PAK3: variants seen among roughly 807,000 people sequenced by gnomAD.
PAK3 encodes p21 (RAC1) activated kinase 3.
A neutral mutation model predicts 41.0 loss-of-function variants in PAK3; 4 were observed. That is an observed-to-expected ratio of 0.10 (90% CI 0.05 to 0.22). PAK3 has a LOEUF of 0.22. Ranked by LOEUF, PAK3 falls within the 10% of genes least tolerant of loss-of-function variation. The probability of loss-of-function intolerance (pLI) is 1.00; values close to 1 mark genes in which losing one functional copy is unlikely to be tolerated. For missense variants in PAK3, 205 were observed against 409.9 expected (o/e 0.50, Z 4.32); for synonymous variants, 146 against 139.6 (o/e 1.05, Z -0.32).
intron 1 of PAK3, among the ~76,000 whole-genome samples, chrX:111,053,883 A>G (rs2092582120): frequency 8.9e-6 from 1 of 112,112 alleles, no homozygotes; most frequent in African/African-American, 3.2e-5. Flanking sequence ...CTATATCCTA[A>G]TTGTGCATGT....
At chrX:111,155,589 C>A (rs948865165) in intron 8 of PAK3, among the ~76,000 whole-genome samples, 5 of 110,096 alleles carry the variant, frequency 4.5e-5, no homozygotes, top group African/African-American at 6.6e-5. Context: ...AAGTAGATTG[C>A]TTTTAGCTGG....
At chrX:111,067,918 T>A (rs2092713000) in intron 1 of PAK3, among the ~76,000 whole-genome samples, 1 of 111,395 alleles carries the variant, frequency 9.0e-6, no homozygotes, top group Non-Finnish European at 1.9e-5. Flanking sequence ...AAGTTGTCTG[T>A]GATTTGAAGG....
intron 10 of PAK3, among the ~76,000 whole-genome samples, chrX:111,167,992 T>G (rs906337379): frequency 2.0e-4 from 22 of 111,345 alleles, no homozygotes; most frequent in Admixed American, 9.5e-5. Flanking sequence ...TATCACCTAC[T>G]CCTTGCCTCT....
intron 1 of PAK3, among the ~76,000 whole-genome samples, chrX:110,994,773 A>C (rs960728586): frequency 9.0e-6 from 1 of 111,468 alleles, no homozygotes; most frequent in African/African-American, 3.3e-5. Context: ...TTTTTGGATA[A>C]GTCTTTTATC....
chrX:111,217,474 G>A (rs1277052589), intron 17 of PAK3: 13 of 937,710 alleles, frequency 1.4e-5, no homozygotes, highest in African/African-American at 1.0e-4. Flanking sequence ...GTTATACAGC[G>A]CATTAACCAC....
chrX:111,011,196 G>A (rs2092006382), intron 1 of PAK3, among the ~76,000 whole-genome samples: 1 of 111,205 alleles, frequency 9.0e-6, no homozygotes, highest in South Asian at 3.8e-4. Flanking sequence ...AAGGCAGTTT[G>A]GGCAGTTGGG....
chrX:110,951,895 C>T (rs1039869346), intron 1 of PAK3, among the ~76,000 whole-genome samples: 2 of 112,219 alleles, frequency 1.8e-5, no homozygotes, highest in Non-Finnish European at 3.8e-5. Context: ...TCTTAAGACA[C>T]TTGGAAAAAA....
At chrX:111,110,982 ATCATTAGTCAC>A (rs2093361417) in intron 4 of PAK3, among the ~76,000 whole-genome samples, 1 of 111,872 alleles carries the variant, frequency 8.9e-6, no homozygotes, top group African/African-American at 3.3e-5. Flanking sequence ...TTTCTCAGGG[ATCATTAGTCAC>A]TCTTCCTCTT....
At chrX:111,019,148 GA>G (rs1175845510) in intron 1 of PAK3, among the ~76,000 whole-genome samples, 1 of 111,057 alleles carries the variant, frequency 9.0e-6, no homozygotes, top group Non-Finnish European at 1.9e-5. Flanking sequence ...ACTCTTAGAA[GA>G]AAACATAGGG....
intron 1 of PAK3, among the ~76,000 whole-genome samples, chrX:111,035,710 T>C (rs912550984): frequency 2.7e-5 from 3 of 112,680 alleles, no homozygotes; most frequent in Non-Finnish European, 3.7e-5. Flanking sequence ...TAACTCTGTG[T>C]TGGCACCATG....
At chrX:111,056,458 A>G (rs1184643590) in intron 1 of PAK3, among the ~76,000 whole-genome samples, 1 of 112,467 alleles carries the variant, frequency 8.9e-6, no homozygotes, top group Admixed American at 9.4e-5. Context: ...GATACTACAC[A>G]AACTATAATT....
intron 1 of PAK3, among the ~76,000 whole-genome samples, chrX:110,951,508 G>T (rs912301074): frequency 1.2e-4 from 13 of 111,604 alleles, no homozygotes; most frequent in Admixed American, 3.8e-4. Flanking sequence ...AATATTTCTA[G>T]CAAGTTACAC....
At chrX:110,999,676 A>G (rs1275906314) in intron 1 of PAK3, among the ~76,000 whole-genome samples, 19 of 78,174 alleles carry the variant, frequency 2.4e-4, no homozygotes, top group African/African-American at 9.9e-4. Flanking sequence ...TTATAAAAGT[A>G]AAAAAAAAAA....
intron 1 of PAK3, among the ~76,000 whole-genome samples, chrX:111,073,191 C>T (rs981391197): frequency 9.0e-6 from 1 of 111,197 alleles, no homozygotes; most frequent in Non-Finnish European, 1.9e-5. Context: ...TGAAAATGGA[C>T]ACATAACATA....
At chrX:110,953,736 G>A (rs2090793311) in intron 1 of PAK3, among the ~76,000 whole-genome samples, 1 of 111,970 alleles carries the variant, frequency 8.9e-6, no homozygotes, top group African/African-American at 3.2e-5. Flanking sequence ...TGAGGAGGCT[G>A]GCTTTTGGCC....
At chrX:111,006,009 A>C (rs896831652) in intron 1 of PAK3, among the ~76,000 whole-genome samples, 1 of 111,436 alleles carries the variant, frequency 9.0e-6, no homozygotes, top group African/African-American at 3.3e-5. Flanking sequence ...TTCCTATCCC[A>C]GCAATAGACA....
rs982332203 is a variant in PAK3 at position 111,223,709 on chromosome X, T to C, written c.*3262T>C. 3 of 111,231 alleles carry C rather than the reference T, an allele frequency of 2.7e-5. No individual in the cohort carries two copies. Among genetic ancestry groups the C allele is most frequent in the South Asian group, 7.6e-4 (2 of 2,630 alleles). The allele number at this position is 111,231 out of a possible 1,213,427, so 9.2% of individuals were successfully genotyped here. A position where few individuals can be genotyped will look rare whatever the true frequency, so the allele number is the denominator to read the frequency against. On this transcript the variant is annotated 3_prime_UTR_variant, in exon 18 of 18. Coordinates refer to ENST00000372007, the MANE Select transcript of PAK3 (RefSeq NM_002578.5). ...ATAACTGTTTTGATAGTTTGAGATA[T>C]TTGTCTATAAATGATATTTCTCAGC...
At chrX:111,131,351 C>T (rs1430268504) in intron 5 of PAK3, among the ~76,000 whole-genome samples, 1 of 111,682 alleles carries the variant, frequency 9.0e-6, no homozygotes, top group Admixed American at 9.5e-5. Flanking sequence ...TGAACACCTT[C>T]CTTTTCTGCT....
At chrX:110,998,666 T>C (rs921102917) in intron 1 of PAK3, among the ~76,000 whole-genome samples, 1 of 112,084 alleles carries the variant, frequency 8.9e-6, no homozygotes, top group African/African-American at 3.2e-5. Context: ...AATGAAAAGA[T>C]CCACCTCCTG....
Sources: gnomAD v4.1 joint callset for allele counts (sites outside exome capture counted in the v4.1 genomes callset) on GRCh38, gnomAD v4.1.1 for gene constraint, MANE v1.5 for transcripts, NCBI Gene and HGNC (gene_info 2026-07-23, HGNC 2026-07-21) for gene names.